CFDP1: variants seen among roughly 807,000 people sequenced by gnomAD.
CFDP1 encodes the protein chromatin remodeling protein CFDP1.
In CFDP1, 31 loss-of-function variants were observed where a neutral mutation model predicts 40.1. The observed-to-expected ratio is 0.77, with a 90% CI of 0.58 to 1.04. CFDP1 has a LOEUF of 1.04. Among genes scored for constraint, CFDP1 ranks in the 50% least tolerant of loss-of-function variants. The probability of loss-of-function intolerance (pLI) is 0.00; values close to 1 mark genes in which losing one functional copy is unlikely to be tolerated. For missense variants in CFDP1, 423 were observed against 343.4 expected, an observed-to-expected ratio of 1.23 and a Z score of -1.83; for synonymous variants, 167 against 120.0, an observed-to-expected ratio of 1.39 and a Z score of -2.56.
intron 5 of CFDP1, among the ~76,000 whole-genome samples, chr16:75,390,661 G>A (rs1362972622): frequency 6.6e-6 from 1 of 152,210 alleles, no homozygotes; most frequent in Non-Finnish European, 1.5e-5. Flanking sequence ...AAGCCTCAGA[G>A]GGCAATGGAG....
intron 5 of CFDP1, among the ~76,000 whole-genome samples, chr16:75,351,204 C>T (rs529173892): frequency 6.6e-6 from 1 of 152,154 alleles, no homozygotes; most frequent in African/African-American, 2.4e-5. Context: ...TTGTAAGTAG[C>T]TGTACTGTTT....
intron 1 of CFDP1, among the ~76,000 whole-genome samples, chr16:75,420,753 A>G (rs1193596487): frequency 1.3e-5 from 2 of 152,232 alleles, no homozygotes; most frequent in African/African-American, 4.8e-5. Context: ...GCTGAGGAAA[A>G]AATACAAATA....
intron 4 of CFDP1, among the ~76,000 whole-genome samples, chr16:75,401,360 G>A (rs761842351): frequency 4.6e-5 from 7 of 150,770 alleles, no homozygotes; most frequent in Non-Finnish European, 1.0e-4. Flanking sequence ...CCAGGGAGAT[G>A]GAGCTTGCAG....
chr16:75,368,363 T>C (rs772633136), intron 5 of CFDP1, among the ~76,000 whole-genome samples: 98 of 152,130 alleles, frequency 6.4e-4, no homozygotes, highest in Non-Finnish European at 1.0e-3. Context: ...AAATATTCAG[T>C]GGAGGTTTTG....
At chr16:75,345,307 A>C (rs191259319) in intron 5 of CFDP1, among the ~76,000 whole-genome samples, 25 of 152,180 alleles carry the variant, frequency 1.6e-4, no homozygotes, top group Admixed American at 1.4e-3. Flanking sequence ...AAATACAAAA[A>C]TTAGCTGGGC....
intron 5 of CFDP1, among the ~76,000 whole-genome samples, chr16:75,357,818 A>C (rs1279241018): frequency 6.6e-6 from 1 of 152,166 alleles, no homozygotes; most frequent in African/African-American, 2.4e-5. Context: ...TCCTTCAAGA[A>C]CTTTTCTTTT....
intron 5 of CFDP1, among the ~76,000 whole-genome samples, chr16:75,349,678 A>ATAT (rs1567653462): frequency 1.7e-4 from 1 of 5,902 alleles, no homozygotes; most frequent in African/African-American, 5.5e-4. Flanking sequence ...AAAAAAAAAA[A>ATAT]AAAAAAAAAA....
intron 5 of CFDP1, among the ~76,000 whole-genome samples, chr16:75,354,388 A>G (rs2078633102): frequency 6.6e-6 from 1 of 152,198 alleles, no homozygotes; most frequent in South Asian, 2.1e-4. Flanking sequence ...AAGTTGAAAG[A>G]GATCACAGAG....
In CFDP1 at chr16:75,306,047, G is replaced by A. The variant is rs1212116948; in HGVS notation, c.651-865C>T. Among the ~76,000 whole-genome samples the A allele has an allele frequency of 2.0e-5, 3 of 152,198 alleles. No homozygotes were observed. In the East Asian group the frequency reaches 5.8e-4, roughly 29 times the overall value. Reference sequence around the variant, plus strand: ...CAAAATGCAGTTAAGATGGTATGAGGAAAGGTTTGGTCTCTTTATGAAATG... The same window carrying A: ...CAAAATGCAGTTAAGATGGTATGAGAAAAGGTTTGGTCTCTTTATGAAATG... On this transcript the variant is annotated intron_variant, in intron 5 of 6. Coordinates refer to ENST00000283882, the MANE Select transcript of CFDP1 (RefSeq NM_006324.3).
chr16:75,412,256 T>C (rs1398171060), intron 3 of CFDP1, among the ~76,000 whole-genome samples: 3 of 152,186 alleles, frequency 2.0e-5, no homozygotes, highest in Non-Finnish European at 4.4e-5. Context: ...TGACCTCAAA[T>C]GATCCACCTG....
chr16:75,368,664 G>C lies in CFDP1; in HGVS notation c.650+26426C>G, dbSNP rs545371557. Among the ~76,000 whole-genome samples, 8 of 152,014 alleles carry C rather than the reference G, an allele frequency of 5.3e-5. No individual in the cohort carries two copies. In the East Asian group the frequency reaches 1.5e-3, roughly 29 times the overall value. ...TCATTATACCTTACACTTTACTTTT[G>C]TGTGTAGGTCTGATATTTTCTTTCT... is the stretch of plus-strand genomic sequence containing the variant. On this transcript the variant is annotated intron_variant, in intron 5 of 6. Transcript: ENST00000283882.
At chr16:75,305,733 T>G (rs1191812847) in intron 5 of CFDP1, among the ~76,000 whole-genome samples, 1 of 152,150 alleles carries the variant, frequency 6.6e-6, no homozygotes, top group Non-Finnish European at 1.5e-5. Flanking sequence ...GGGGGTTCTT[T>G]TAAGAGAAAG....
intron 5 of CFDP1, among the ~76,000 whole-genome samples, chr16:75,348,493 C>T (rs2078585857): frequency 6.6e-6 from 1 of 152,132 alleles, no homozygotes; most frequent in Non-Finnish European, 1.5e-5. Flanking sequence ...ATTTCTTGGG[C>T]TCTGCTTTTG....
At chr16:75,366,687 G>C (rs1394269541) in intron 5 of CFDP1, among the ~76,000 whole-genome samples, 1 of 152,162 alleles carries the variant, frequency 6.6e-6, no homozygotes, top group Non-Finnish European at 1.5e-5. Context: ...ACTATGTAGT[G>C]AAATTTCCAG....
chr16:75,388,442 G>C (rs2078918947), intron 5 of CFDP1, among the ~76,000 whole-genome samples: 1 of 152,154 alleles, frequency 6.6e-6, no homozygotes, highest in Non-Finnish European at 1.5e-5. Flanking sequence ...TGTTACCCTA[G>C]AGTGGGAAAA....
rs1300687474 is a variant in CFDP1 at position 75,349,802 on chromosome 16, T to C, written c.651-44620A>G. On this transcript the variant is annotated intron_variant, in intron 5 of 6. Transcript: ENST00000283882. ...CAATTTTTAGTGGATTGCTTAGGAT[T>C]TTCTCCATATTAGAGCATACCATCT... Among the ~76,000 whole-genome samples, 3 of 149,148 alleles carry C rather than the reference T, an allele frequency of 2.0e-5. No individual in the cohort carries two copies. The East Asian group carries it at 5.9e-4, about 29-fold the overall frequency.
rs886322634 is a variant in CFDP1 at position 75,407,586 on chromosome 16, C to T, written c.530+4239G>A. On this transcript the variant is annotated intron_variant, in intron 4 of 6. Transcript: ENST00000283882. ...CTCCAGTTACTCAGGAGGCTGAGGT[C>T]GGGGGAAATCAACTGAGCCTCGTAG... Among the ~76,000 whole-genome samples the T allele has an allele frequency of 3.7e-5, 5 of 136,664 alleles. No homozygotes were observed. In the East Asian group the frequency reaches 1.1e-3, roughly 30 times the overall value. The allele number at this position is 136,664 out of a possible 152,430, so 89.7% of individuals were successfully genotyped here. A position where few individuals can be genotyped will look rare whatever the true frequency, so the allele number is the denominator to read the frequency against.
intron 1 of CFDP1, among the ~76,000 whole-genome samples, chr16:75,431,454 C>A (rs1371665463): frequency 8.1e-4 from 48 of 59,600 alleles, no homozygotes; most frequent in African/African-American, 1.5e-3. Context: ...ACTCTTGTCT[C>A]AAAAAAAAAA....
intron 5 of CFDP1, among the ~76,000 whole-genome samples, chr16:75,332,351 G>A (rs1201030019): frequency 1.3e-5 from 2 of 152,068 alleles, no homozygotes; most frequent in African/African-American, 4.8e-5. Flanking sequence ...TATAATCCCA[G>A]CTACTCAGGA....
Sources: allele counts gnomAD v4.1 joint callset (sites outside exome capture counted in the v4.1 genomes callset), GRCh38; gene constraint gnomAD v4.1.1; transcripts MANE v1.5; gene names NCBI Gene and HGNC (gene_info 2026-07-23, HGNC 2026-07-21).